The following ALX4 variants were observed in gnomAD, a reference collection of about 807,000 sequenced individuals.
ALX4 encodes the protein ALX homeobox 4, also known as homeobox protein aristaless-like 4.
In ALX4, 22 loss-of-function variants were observed where a neutral mutation model predicts 40.6. The observed-to-expected ratio is 0.54, with a 90% CI of 0.39 to 0.77. ALX4 has a LOEUF of 0.77. ALX4 is among the 30% of genes least tolerant of loss of function. ALX4 has a pLI of 0.00. For synonymous variants in ALX4, 266 were observed against 240.5 expected (o/e 1.11, Z -0.98); for missense variants, 556 against 564.8 (o/e 0.98, Z 0.16).
In ALX4 at chr11:44,309,661, G is replaced by T; in HGVS notation, c.402C>A (p.Asp134Glu). The T allele has an allele frequency of 6.3e-7, 1 of 1,592,014 alleles. No individual in the cohort carries two copies. Among genetic ancestry groups the T allele is most frequent in the South Asian group, 1.1e-5 (1 of 89,364 alleles). Residue 134 changes from aspartate (D) to glutamate (E), a missense_variant, in exon 1 of 4, where the codon GAC becomes GAA. Transcript: ENST00000652299. ...TGCCTTCCTGGAGTTTGAGGCTGCC[G>T]TCCGGGGGCGTCTTGCAGGCGCCTC... ...LQRGACKTPP[D>E]GSLKLQEGSS...
intron 1 of ALX4, among the ~76,000 whole-genome samples, chr11:44,286,810 C>T (rs369192248): frequency 3.3e-5 from 5 of 152,258 alleles, no homozygotes; most frequent in Admixed American, 6.5e-5. Context: ...ATTGGACAGA[C>T]GGTCAAAGTG....
intron 1 of ALX4, among the ~76,000 whole-genome samples, chr11:44,294,518 G>A (rs439621): frequency 6.6e-6 from 1 of 152,320 alleles, no homozygotes; most frequent in Non-Finnish European, 1.5e-5. Context: ...GGGGAGGAGG[G>A]GCCTGAGGGG....
chr11:44,289,997 A>C (rs2119848560), intron 1 of ALX4, among the ~76,000 whole-genome samples: 1 of 152,324 alleles, frequency 6.6e-6, no homozygotes, highest in African/African-American at 2.4e-5. Flanking sequence ...CTCCCTTCAC[A>C]GCCAAGATGC....
intron 2 of ALX4, among the ~76,000 whole-genome samples, chr11:44,271,334 C>T (rs1413532784): frequency 6.6e-6 from 1 of 152,240 alleles, no homozygotes; most frequent in East Asian, 1.9e-4. Flanking sequence ...TCCCGGATTC[C>T]AGTCGCAGTG....
intron 1 of ALX4, among the ~76,000 whole-genome samples, chr11:44,293,099 AGAAGGAAG>A (rs1172183534): frequency 0.014 from 530 of 37,164 alleles, 11 homozygotes; most frequent in African/African-American, 0.043. Flanking sequence ...CCTGTCTGAG[AGAAGGAAG>A]GAAGGAAGGA....
At chr11:44,272,959 C>T (rs1047992707) in intron 2 of ALX4, among the ~76,000 whole-genome samples, 4 of 152,120 alleles carry the variant, frequency 2.6e-5, no homozygotes, top group Non-Finnish European at 5.9e-5. Flanking sequence ...TCCACATTAG[C>T]CATTTTGGAA....
intron 1 of ALX4, among the ~76,000 whole-genome samples, chr11:44,287,380 G>T (rs1481224060): frequency 6.6e-6 from 1 of 152,066 alleles, no homozygotes; most frequent in Non-Finnish European, 1.5e-5. Flanking sequence ...CACCAGTAGG[G>T]TTCCAGCCTC....
chr11:44,266,165 G>T (rs540751296), intron 3 of ALX4, among the ~76,000 whole-genome samples: 2 of 152,124 alleles, frequency 1.3e-5, no homozygotes, highest in South Asian at 2.1e-4. Context: ...AAGGGGGACC[G>T]GTTGGCCTCC....
At chr11:44,270,233 A>T (rs1956237653) in intron 2 of ALX4, among the ~76,000 whole-genome samples, 1 of 152,018 alleles carries the variant, frequency 6.6e-6, no homozygotes, top group African/African-American at 2.4e-5. Context: ...TCTGGGGAAG[A>T]CAGATGACCA....
At position 44,266,683 on chromosome 11, in the gene ALX4, G is replaced by A. The variant is rs533029464; in HGVS notation, c.906+811C>T. 3.1e-3 allele frequency among the ~76,000 whole-genome samples: 470 copies of A among 152,298 alleles called. 4 individuals are homozygous for A. The highest frequency in any genetic ancestry group is 0.011 in the African/African-American group (457 of 41,558). ...AGGCCTGAGCAGGTAGGGAGCAGCC[G>A]CTTCTGCTGGGCAGGCTGAGTGGGG... On this transcript the variant is annotated intron_variant, in intron 3 of 3. Transcript: ENST00000652299.
At chr11:44,294,023 C>A (rs1413438748) in intron 1 of ALX4, among the ~76,000 whole-genome samples, 2 of 152,168 alleles carry the variant, frequency 1.3e-5, no homozygotes, top group African/African-American at 4.8e-5. Context: ...CCTCCACCGT[C>A]TACAGAGCTC....
At chr11:44,266,795 C>A (rs1263902129) in intron 3 of ALX4, among the ~76,000 whole-genome samples, 1 of 152,142 alleles carries the variant, frequency 6.6e-6, no homozygotes, top group African/African-American at 2.4e-5. Flanking sequence ...TCATCCCTTG[C>A]ATCTCACACT....
chr11:44,266,288 C>A, intron 3 of ALX4, among the ~76,000 whole-genome samples: 1 of 152,158 alleles, frequency 6.6e-6, no homozygotes, highest in Non-Finnish European at 1.5e-5. Context: ...GCTGTGCGCT[C>A]AGGCAGCAGA....
intron 1 of ALX4, among the ~76,000 whole-genome samples, chr11:44,291,098 T>G (rs2863058): frequency 0.27 from 40,451 of 152,088 alleles, 5,813 homozygotes; most frequent in Admixed American, 0.35. Context: ...CATAAACCTC[T>G]GTCAAAAGTA....
At position 44,310,033 on chromosome 11, in the gene ALX4, G is replaced by A. The variant is rs767658097; in HGVS notation, c.30C>T (p.Cys10=). ...CGTCCATGGCAGCGGCCGGCGACTCGCAGTAAGAGACGCAAGTCTCAGCAT... is the reference window on the plus strand; with the variant it reads ...CGTCCATGGCAGCGGCCGGCGACTCACAGTAAGAGACGCAAGTCTCAGCAT... MNAETCVSY[C]ESPAAAMDAY... is the part of the protein sequence containing the mutation. The change falls in exon 1 of 4, where the codon TGC becomes TGT. Residue 10 remains cysteine, a synonymous_variant. Coordinates refer to ENST00000652299, the MANE Select transcript of ALX4 (RefSeq NM_021926.4). 2 of 1,601,366 alleles carry A rather than the reference G, an allele frequency of 1.2e-6. No homozygotes were observed. Among genetic ancestry groups the A allele is most frequent in the East Asian group, 2.3e-5 (1 of 44,412 alleles).
At chr11:44,274,462 TGA>T (rs1956266467) in intron 2 of ALX4, among the ~76,000 whole-genome samples, 1 of 151,258 alleles carries the variant, frequency 6.6e-6, no homozygotes, top group Non-Finnish European at 1.5e-5. Context: ...TCGGTTGCAC[TGA>T]GTTGAGTTGA....
chr11:44,300,425 C>T (rs1956428370), intron 1 of ALX4, among the ~76,000 whole-genome samples: 1 of 152,150 alleles, frequency 6.6e-6, no homozygotes, highest in African/African-American at 2.4e-5. Flanking sequence ...GGGATGTGAG[C>T]CAGGTGTGAA....
intron 1 of ALX4, among the ~76,000 whole-genome samples, chr11:44,306,221 C>A (rs570813906): frequency 2.2e-4 from 33 of 152,336 alleles, no homozygotes; most frequent in Admixed American, 9.8e-4. Context: ...TGCGGAGCCG[C>A]CTTAATCGTC....
chr11:44,307,284 A>C (rs575696761), intron 1 of ALX4, among the ~76,000 whole-genome samples: 2 of 152,326 alleles, frequency 1.3e-5, no homozygotes, highest in East Asian at 1.9e-4. Context: ...AGATGAGGAA[A>C]CCGGGGTTTG....
Sources: allele counts gnomAD v4.1 joint callset (sites outside exome capture counted in the v4.1 genomes callset), GRCh38; gene constraint gnomAD v4.1.1; transcripts MANE v1.5; gene names NCBI Gene and HGNC (gene_info 2026-07-23, HGNC 2026-07-21).